The following SGCZ variants were observed in gnomAD, a reference collection of about 807,000 sequenced individuals.
SGCZ encodes zeta-sarcoglycan.
A neutral mutation model predicts 41.3 loss-of-function variants in SGCZ; 40 were observed. The observed-to-expected ratio is 0.97, with a 90% CI of 0.75 to 1.26. The LOEUF (loss-of-function observed/expected upper bound fraction) is 1.26. Ranked by LOEUF, SGCZ falls within the 50% of genes most tolerant of loss-of-function variation. SGCZ has a pLI of 0.00. For missense variants in SGCZ, 552 were observed against 369.8 expected, an observed-to-expected ratio of 1.49 and a Z score of -4.04; for synonymous variants, 206 against 137.5, an observed-to-expected ratio of 1.50 and a Z score of -3.49.
intron 2 of SGCZ, among the ~76,000 whole-genome samples, chr8:14,334,768 G>C (rs1263552986): frequency 6.6e-6 from 1 of 151,986 alleles, no homozygotes; most frequent in African/African-American, 2.4e-5. Flanking sequence ...ATGGTTATTT[G>C]TACACCCATA....
chr8:14,974,259 T>A (rs1801393524), intron 1 of SGCZ, among the ~76,000 whole-genome samples: 2 of 152,216 alleles, frequency 1.3e-5, no homozygotes, highest in African/African-American at 4.8e-5. Context: ...AGTTCTTATG[T>A]AAAACAGAAA....
intron 1 of SGCZ, among the ~76,000 whole-genome samples, chr8:15,034,125 G>A (rs937178803): frequency 1.1e-4 from 17 of 152,020 alleles, no homozygotes; most frequent in Admixed American, 6.5e-5. Flanking sequence ...CAAAGAAATG[G>A]GTTCTACCCC....
intron 2 of SGCZ, among the ~76,000 whole-genome samples, chr8:14,377,423 G>C (rs1332833527): frequency 6.6e-6 from 1 of 151,934 alleles, no homozygotes; most frequent in Non-Finnish European, 1.5e-5. Context: ...GAAGTAAACT[G>C]CTTTCCTGAG....
At chr8:14,218,577 C>G (rs1806081514) in intron 4 of SGCZ, among the ~76,000 whole-genome samples, 1 of 152,172 alleles carries the variant, frequency 6.6e-6, no homozygotes, top group Non-Finnish European at 1.5e-5. Context: ...CAGTGGAATG[C>G]ATTCTTAAAT....
chr8:14,353,922 T>G (rs1209750406), intron 2 of SGCZ, among the ~76,000 whole-genome samples: 2 of 152,124 alleles, frequency 1.3e-5, no homozygotes, highest in Non-Finnish European at 2.9e-5. Flanking sequence ...GAGCTACTTC[T>G]CTGGACTTAC....
intron 2 of SGCZ, among the ~76,000 whole-genome samples, chr8:14,432,328 T>C (rs180753852): frequency 3.9e-5 from 6 of 152,274 alleles, no homozygotes; most frequent in Non-Finnish European, 7.4e-5. Context: ...TACATACATA[T>C]GATGGAATAC....
At chr8:14,350,256 T>G (rs1254329860) in intron 2 of SGCZ, among the ~76,000 whole-genome samples, 1 of 152,020 alleles carries the variant, frequency 6.6e-6, no homozygotes, top group Admixed American at 6.6e-5. Context: ...TTTTTTTTTT[T>G]TACCTAAGTA....
intron 4 of SGCZ, among the ~76,000 whole-genome samples, chr8:14,172,789 A>C (rs1048533656): frequency 6.6e-6 from 1 of 152,130 alleles, no homozygotes; most frequent in African/African-American, 2.4e-5. Flanking sequence ...TTGTGGGGCA[A>C]TGAAACGGAG....
intron 1 of SGCZ, among the ~76,000 whole-genome samples, chr8:14,947,225 C>G (rs868826992): frequency 6.6e-6 from 1 of 152,190 alleles, no homozygotes; most frequent in South Asian, 2.1e-4. Context: ...GAGACAAAAG[C>G]GAAATATCCC....
chr8:14,190,206 G>A (rs1396531469), intron 4 of SGCZ, among the ~76,000 whole-genome samples: 1 of 151,564 alleles, frequency 6.6e-6, no homozygotes, highest in African/African-American at 2.4e-5. Flanking sequence ...TAGAGACGGG[G>A]TTTCACCGTG....
intron 1 of SGCZ, among the ~76,000 whole-genome samples, chr8:15,008,920 G>A (rs866266201): frequency 9.2e-5 from 14 of 152,220 alleles, no homozygotes; most frequent in Middle Eastern, 3.4e-3. Context: ...TGTCCTCATA[G>A]TGAGTTGGTT....
intron 1 of SGCZ, among the ~76,000 whole-genome samples, chr8:14,597,869 G>A (rs1245752998): frequency 3.9e-5 from 6 of 152,086 alleles, no homozygotes; most frequent in Admixed American, 6.6e-5. Flanking sequence ...CATGTTTTCT[G>A]TTCTCTAGCT....
intron 1 of SGCZ, among the ~76,000 whole-genome samples, chr8:14,964,650 C>G (rs552488947): frequency 1.2e-4 from 18 of 152,192 alleles, no homozygotes; most frequent in African/African-American, 4.1e-4. Context: ...TGAATTGAAA[C>G]AAGCGTTATG....
At chr8:14,277,954 G>C (rs576037064) in intron 3 of SGCZ, among the ~76,000 whole-genome samples, 5 of 152,046 alleles carry the variant, frequency 3.3e-5, no homozygotes, top group Admixed American at 2.6e-4. Flanking sequence ...AGAAGTCATC[G>C]CCATGCCCAG....
intron 2 of SGCZ, among the ~76,000 whole-genome samples, chr8:14,538,468 C>A (rs1220265198): frequency 6.6e-6 from 1 of 151,794 alleles, no homozygotes; most frequent in African/African-American, 2.4e-5. Flanking sequence ...GAAACTTAAC[C>A]CAACCTGTGG....
chr8:15,087,411 A>G (rs1805989256), intron 1 of SGCZ, among the ~76,000 whole-genome samples: 1 of 152,116 alleles, frequency 6.6e-6, no homozygotes, highest in South Asian at 2.1e-4. Context: ...TCCCTGCTAT[A>G]AAGACAGAAA....
chr8:14,730,174 C>G (rs1001620102), intron 1 of SGCZ, among the ~76,000 whole-genome samples: 8 of 152,184 alleles, frequency 5.3e-5, no homozygotes, highest in Non-Finnish European at 1.0e-4. Flanking sequence ...CTTGTCTGCT[C>G]TCATCAGTGG....
intron 2 of SGCZ, among the ~76,000 whole-genome samples, chr8:14,373,479 A>G (rs929071342): frequency 1.3e-5 from 2 of 152,216 alleles, no homozygotes; most frequent in East Asian, 3.8e-4. Context: ...GACAATAAAA[A>G]TAAGTGAGCT....
chr8:14,905,035 G>A (rs190721099), intron 1 of SGCZ, among the ~76,000 whole-genome samples: 1 of 151,622 alleles, frequency 6.6e-6, no homozygotes, highest in African/African-American at 2.4e-5. Flanking sequence ...CAATATTATT[G>A]GGGCCCTTCA....
Sources: allele counts gnomAD v4.1 joint callset (sites outside exome capture counted in the v4.1 genomes callset), GRCh38; gene constraint gnomAD v4.1.1; transcripts MANE v1.5; gene names NCBI Gene and HGNC (gene_info 2026-07-23, HGNC 2026-07-21).